The following GLDC variants were observed in gnomAD, a reference collection of about 807,000 sequenced individuals.
GLDC encodes glycine decarboxylase, also known as glycine dehydrogenase (decarboxylating), mitochondrial.
In GLDC, 104 loss-of-function variants were observed where a neutral mutation model predicts 121.3. The observed-to-expected ratio is 0.86, with a 90% CI of 0.73 to 1.01. GLDC has a LOEUF of 1.01. GLDC is among the 50% of genes least tolerant of loss of function. GLDC has a pLI of 0.00. For synonymous variants in GLDC, 546 were observed against 480.6 expected, an observed-to-expected ratio of 1.14 and a Z score of -1.78; for missense variants, 1,429 against 1,306.6, an observed-to-expected ratio of 1.09 and a Z score of -1.44.
At chr9:6,573,560 G>A (rs760253913) in intron 15 of GLDC, among the ~76,000 whole-genome samples, 2 of 151,932 alleles carry the variant, frequency 1.3e-5, no homozygotes, top group Admixed American at 6.6e-5. Context: ...AGAAAAAAGC[G>A]ACCCCCATCC....
intron 15 of GLDC, chr9:6,565,921 C>T (rs151060929): frequency 4.5e-6 from 1 of 220,340 alleles, no homozygotes; most frequent in Admixed American, 5.2e-5. Context: ...CAATATGCAG[C>T]CTTCAAAGAT....
At position 6,595,044 on chromosome 9, in the gene GLDC, C is replaced by T. The variant is rs1377345819; in HGVS notation, c.1231G>A (p.Val411Ile). 1.2e-6 allele frequency: 2 copies of T among 1,610,834 alleles called. No homozygotes were observed. Among genetic ancestry groups the T allele is most frequent in the Non-Finnish European group, 1.7e-6 (2 of 1,177,072 alleles). Residue 411 changes from valine (V) to isoleucine (I), a missense_variant, in exon 9 of 25, where the codon GTA becomes ATA. Transcript: ENST00000321612. ...SHGLEHIARR[V>I]HNATLILSEG... is the part of the protein sequence containing the mutation. ...GACAAAATCAAAGTGGCATTATGTA[C>T]CCTCCTAGCAATATGCTCCAGCCCA...
chr9:6,607,650 T>C (rs1818762751), intron 4 of GLDC, among the ~76,000 whole-genome samples: 1 of 151,756 alleles, frequency 6.6e-6, no homozygotes, highest in African/African-American at 2.4e-5. Context: ...TTATTTTATT[T>C]TTGGTGGGGG....
At chr9:6,541,883 C>G (rs1817271718) in intron 21 of GLDC, 1 of 143,136 alleles carries the variant, frequency 7.0e-6, no homozygotes, top group Non-Finnish European at 1.5e-5. Context: ...GCGTAAGACT[C>G]TGAATATACT....
At chr9:6,575,854 A>G (rs1026669811) in intron 15 of GLDC, among the ~76,000 whole-genome samples, 1 of 152,202 alleles carries the variant, frequency 6.6e-6, no homozygotes, top group African/African-American at 2.4e-5. Flanking sequence ...AAGAGTGGCA[A>G]AGTGTTATGG....
chr9:6,562,239 A>G (rs1234623447), intron 16 of GLDC, among the ~76,000 whole-genome samples: 1 of 152,246 alleles, frequency 6.6e-6, no homozygotes, highest in Non-Finnish European at 1.5e-5. Flanking sequence ...AAGTAAACTC[A>G]TAAATCAAGA....
chr9:6,599,743 A>C (rs918656905), intron 8 of GLDC, among the ~76,000 whole-genome samples: 2 of 152,058 alleles, frequency 1.3e-5, no homozygotes, highest in African/African-American at 4.8e-5. Flanking sequence ...AACAACCAAA[A>C]AAACAAATAA....
chr9:6,575,230 A>C (rs1482403244), intron 15 of GLDC, among the ~76,000 whole-genome samples: 1 of 149,776 alleles, frequency 6.7e-6, no homozygotes. Context: ...AAAAAAAAAC[A>C]AACCCCAAAA....
chr9:6,607,011 C>A (rs1390879708), intron 4 of GLDC, among the ~76,000 whole-genome samples: 1 of 151,752 alleles, frequency 6.6e-6, no homozygotes, highest in Non-Finnish European at 1.5e-5. Context: ...TGCAGTGAGC[C>A]AAGATTGCAC....
chr9:6,551,002 T>C, intron 20 of GLDC, 88 bp from the exon 21 acceptor site: 1 of 856,212 alleles, frequency 1.2e-6, no homozygotes, highest in Non-Finnish European at 2.0e-6. Flanking sequence ...CCAGATAAAC[T>C]CCACCCACAA....
intron 15 of GLDC, among the ~76,000 whole-genome samples, chr9:6,586,901 T>C (rs1818282659): frequency 6.6e-6 from 1 of 152,066 alleles, no homozygotes; most frequent in African/African-American, 2.4e-5. Flanking sequence ...GAAAGCCCCA[T>C]ATGGAGAAAA....
At chr9:6,621,558 C>T (rs1819094378) in intron 2 of GLDC, among the ~76,000 whole-genome samples, 1 of 152,128 alleles carries the variant, frequency 6.6e-6, no homozygotes, top group South Asian at 2.1e-4. Flanking sequence ...TGCTCTGTCA[C>T]CCAGGCTGGA....
intron 17 of GLDC, 92 bp downstream of exon 17, chr9:6,558,465 CAA>C: frequency 7.1e-7 from 1 of 1,401,480 alleles, no homozygotes; most frequent in Non-Finnish European, 1.0e-6. Flanking sequence ...CATTAGAATG[CAA>C]GAGAAGACAT....
chr9:6,585,925 C>T lies in GLDC; in HGVS notation c.1850+1216G>A, dbSNP rs1216512740. On this transcript the variant is annotated intron_variant, in intron 15 of 24. Transcript: ENST00000321612. ...CATCGGTCCATCTGTCATCTATCATCATGAAGGCAGAGAGACCACAAATCC... is the reference window on the plus strand; with the variant it reads ...CATCGGTCCATCTGTCATCTATCATTATGAAGGCAGAGAGACCACAAATCC... 5.7e-5 allele frequency among the ~76,000 whole-genome samples: 8 copies of T among 140,954 alleles called. No individual in the cohort carries two copies. The Admixed American group carries it at 5.7e-4, about 10-fold the overall frequency. The allele number at this position is 140,954 out of a possible 152,430, so 92.5% of individuals were successfully genotyped here. A position where few individuals can be genotyped will look rare whatever the true frequency, so the allele number is the denominator to read the frequency against.
chr9:6,595,119 C>T lies in GLDC; in HGVS notation c.1156G>A (p.Ala386Thr), dbSNP rs1320733320. ...ATGGCAGCCATATTCGCCAAGAGGGCCTAAAAGATAAGAACATTTAAAGAA... is the reference window on the plus strand; with the variant it reads ...ATGGCAGCCATATTCGCCAAGAGGGTCTAAAAGATAAGAACATTTAAAGAA... ...KATSNICTAQ[A>T]LLANMAAMFA... Residue 386 changes from alanine (A) to threonine (T), a missense_variant and splice_region_variant, in exon 9 of 25, where the codon GCC becomes ACC. Ala to Thr is a moderately conservative substitution (Grantham distance 58, BLOSUM62 0). Coordinates refer to ENST00000321612, the MANE Select transcript of GLDC (RefSeq NM_000170.3). 4 of 1,596,576 alleles carry T rather than the reference C, an allele frequency of 2.5e-6. No individual in the cohort carries two copies. The African/African-American group carries it at 4.0e-5, about 16-fold the overall frequency.
At chr9:6,609,113 C>T (rs1166517359) in intron 4 of GLDC, among the ~76,000 whole-genome samples, 1 of 152,180 alleles carries the variant, frequency 6.6e-6, no homozygotes, top group African/African-American at 2.4e-5. Flanking sequence ...GCGTCTTTCC[C>T]AACCAGATGG....
intron 21 of GLDC, among the ~76,000 whole-genome samples, chr9:6,542,926 T>C (rs565297257): frequency 6.7e-6 from 1 of 148,874 alleles, no homozygotes; most frequent in South Asian, 2.2e-4. Context: ...GAAAATCCTA[T>C]TCATGGGTAG....
chr9:6,552,784 G>A (rs1817541703), intron 20 of GLDC, among the ~76,000 whole-genome samples: 1 of 152,062 alleles, frequency 6.6e-6, no homozygotes, highest in Non-Finnish European at 1.5e-5. Flanking sequence ...CTCTGGCCCT[G>A]GTGTTATTTG....
intron 15 of GLDC, among the ~76,000 whole-genome samples, chr9:6,576,726 C>G (rs1382264065): frequency 6.6e-6 from 1 of 152,304 alleles, no homozygotes; most frequent in African/African-American, 2.4e-5. Flanking sequence ...CTCGGCCTCC[C>G]AAAGTGCTGG....
Sources: gnomAD v4.1 joint callset for allele counts (sites outside exome capture counted in the v4.1 genomes callset) on GRCh38, gnomAD v4.1.1 for gene constraint, MANE v1.5 for transcripts, NCBI Gene and HGNC (gene_info 2026-07-23, HGNC 2026-07-21) for gene names.